Variants in SLIT2 observed in about 807,000 individuals in gnomAD.
The protein encoded by SLIT2 is slit guidance ligand 2, also known as slit homolog 2 protein.
In SLIT2, 41 loss-of-function variants were observed where a neutral mutation model predicts 185.7. That is an observed-to-expected ratio of 0.22 (90% CI 0.17 to 0.29). SLIT2 has a LOEUF of 0.29. SLIT2 is among the 10% of genes least tolerant of loss of function. The pLI, the probability that SLIT2 is intolerant of heterozygous loss-of-function variation, is 1.00. For missense variants in SLIT2, 1,571 were observed against 1,909.0 expected, an observed-to-expected ratio of 0.82 and a Z score of 3.30; for synonymous variants, 693 against 680.2, an observed-to-expected ratio of 1.02 and a Z score of -0.29.
intron 9 of SLIT2, among the ~76,000 whole-genome samples, chr4:20,502,065 A>G (rs1348030297): frequency 6.6e-6 from 1 of 152,190 alleles, no homozygotes; most frequent in Non-Finnish European, 1.5e-5. Context: ...TCACACACAC[A>G]CAAATGTTGT....
intron 4 of SLIT2, among the ~76,000 whole-genome samples, chr4:20,283,390 G>A (rs568002815): frequency 6.6e-6 from 1 of 152,050 alleles, no homozygotes; most frequent in Non-Finnish European, 1.5e-5. Flanking sequence ...GGAGATGATT[G>A]GTGGACTTTG....
In SLIT2 at chr4:20,390,779, A is replaced by AT. The variant is rs71181562; in HGVS notation, c.396-76973_396-76972insT. Reference sequence around the variant, plus strand: ...ATCTTATTTTTTTTTTTTAAAAAAAAATATATATATACTAAGACAATTAGA... The same window carrying AT: ...ATCTTATTTTTTTTTTTTAAAAAAAATATATATATATACTAAGACAATTAGA... On this transcript the variant is annotated intron_variant, in intron 4 of 36. Coordinates refer to ENST00000504154, the MANE Select transcript of SLIT2 (RefSeq NM_004787.4). Among the ~76,000 whole-genome samples, 896 of 142,620 alleles carry AT rather than the reference A, an allele frequency of 6.3e-3. 13 individuals carry two copies. Among genetic ancestry groups the AT allele is most frequent in the African/African-American group, 0.019 (768 of 40,782 alleles). The allele number at this position is 142,620 out of a possible 152,430, so 93.6% of individuals were successfully genotyped here.
At chr4:20,445,421 A>G (rs1489779511) in intron 4 of SLIT2, among the ~76,000 whole-genome samples, 1 of 152,230 alleles carries the variant, frequency 6.6e-6, no homozygotes, top group Admixed American at 6.5e-5. Context: ...ATGCTCATTA[A>G]AGAAGACGTT....
intron 12 of SLIT2, among the ~76,000 whole-genome samples, chr4:20,520,265 C>A (rs1204956705): frequency 6.6e-6 from 1 of 152,028 alleles, no homozygotes; most frequent in Non-Finnish European, 1.5e-5. Context: ...GAAGTATTTA[C>A]CATACATATT....
chr4:20,567,226 A>C (rs760361561), intron 26 of SLIT2, 36 bp from the exon 27 acceptor site: 1 of 1,572,432 alleles, frequency 6.4e-7, no homozygotes, highest in Non-Finnish European at 8.6e-7. Flanking sequence ...AAACTGGAAG[A>C]GCGTCAGTTG....
Position 20,500,283 on chromosome 4 carries a change from C to T in SLIT2, c.914+8384C>T, listed in dbSNP as rs537462611. ...AAGGATAATAAAATGTAATGGAAAT[C>T]GGCATAATTTAGAAAATGTTATAAA... On this transcript the variant is annotated intron_variant, in intron 9 of 36. Transcript: ENST00000504154. Among the ~76,000 whole-genome samples, 28 of 152,174 alleles carry T rather than the reference C, an allele frequency of 1.8e-4. 1 individual carries two copies. The highest frequency in any genetic ancestry group is 3.4e-3 in the Middle Eastern group (1 of 294).
intron 9 of SLIT2, among the ~76,000 whole-genome samples, chr4:20,508,813 C>T (rs1038025573): frequency 6.6e-6 from 1 of 152,002 alleles, no homozygotes; most frequent in African/African-American, 2.4e-5. Flanking sequence ...TCAAATGTTA[C>T]AGTGAGTTCA....
At chr4:20,617,772 AG>A in intron 36 of SLIT2, 122 bp downstream of exon 36, 1 of 670,966 alleles carries the variant, frequency 1.5e-6, no homozygotes, top group Non-Finnish European at 2.5e-6. Context: ...AGACAGAGAG[AG>A]GGGAGTGACA....
At chr4:20,596,193 T>C (rs150038687) in intron 31 of SLIT2, among the ~76,000 whole-genome samples, 1,629 of 152,250 alleles carry the variant, frequency 0.011, 25 homozygotes, top group African/African-American at 0.037. Context: ...TGGGGAGATG[T>C]TGGTCAAAGG....
chr4:20,406,794 C>A (rs528427090), intron 4 of SLIT2, among the ~76,000 whole-genome samples: 4 of 129,820 alleles, frequency 3.1e-5, no homozygotes, highest in African/African-American at 1.0e-4. Flanking sequence ...TATGGTCTAG[C>A]AATGCCACTT....
chr4:20,592,384 C>T lies in SLIT2; in HGVS notation c.3182+2647C>T, dbSNP rs545832826. ...TGTATTTTATATTCTTTGCTTCTTC[C>T]TCTCTCCTTGTCAGATAATAGAGTT... On this transcript the variant is annotated intron_variant, in intron 30 of 36. Transcript: ENST00000504154. Among the ~76,000 whole-genome samples, 12 of 152,216 alleles carry T rather than the reference C, an allele frequency of 7.9e-5. No individual in the cohort carries two copies. In the South Asian group the frequency reaches 2.5e-3, roughly 32 times the overall value.
intron 11 of SLIT2, among the ~76,000 whole-genome samples, chr4:20,518,362 C>G (rs186125581): frequency 0.19 from 25,910 of 138,184 alleles, 2,754 homozygotes; most frequent in African/African-American, 0.29. Context: ...ATGCCATTCT[C>G]CTGCCTCAGC....
intron 4 of SLIT2, among the ~76,000 whole-genome samples, chr4:20,417,436 GTATATATATATA>G (rs367855245): frequency 8.1e-6 from 1 of 123,678 alleles, no homozygotes; most frequent in Non-Finnish European, 1.8e-5. Flanking sequence ...ATGTGTGTGT[GTATATATATATA>G]TATATATATA....
chr4:20,361,592 T>A lies in SLIT2; in HGVS notation c.395+92711T>A, dbSNP rs545448343. Among the ~76,000 whole-genome samples, 15 of 152,216 alleles carry A rather than the reference T, an allele frequency of 9.9e-5. No homozygotes were observed. In the South Asian group the frequency reaches 3.1e-3, roughly 32 times the overall value. ...AAAGTAATGGCAAAACCACAATTACTTTTGTACAAACCTAATATGTTGGCC... is the reference window on the plus strand; with the variant it reads ...AAAGTAATGGCAAAACCACAATTACATTTGTACAAACCTAATATGTTGGCC... On this transcript the variant is annotated intron_variant, in intron 4 of 36. Coordinates refer to ENST00000504154, the MANE Select transcript of SLIT2 (RefSeq NM_004787.4).
intron 29 of SLIT2, among the ~76,000 whole-genome samples, chr4:20,583,278 T>C (rs1375981820): frequency 6.6e-6 from 1 of 152,212 alleles, no homozygotes; most frequent in Non-Finnish European, 1.5e-5. Context: ...CCATTCATAG[T>C]TGGGACTCAA....
In SLIT2 at chr4:20,559,771, C is replaced by T. The variant is rs1239455628; in HGVS notation, c.2725+5803C>T. Among the ~76,000 whole-genome samples, 3 of 151,960 alleles carry T rather than the reference C, an allele frequency of 2.0e-5. No homozygotes were observed. The East Asian group carries it at 5.8e-4, about 29-fold the overall frequency. On this transcript the variant is annotated intron_variant, in intron 26 of 36. Coordinates refer to ENST00000504154, the MANE Select transcript of SLIT2 (RefSeq NM_004787.4). The stretch of plus-strand genomic sequence containing the variant: ...CTGCCGACTGGAGTCAGAATTTGAA[C>T]CTTGACTCTGATTCCAAAGCTTACT...
chr4:20,282,232 A>G lies in SLIT2; in HGVS notation c.395+13351A>G, dbSNP rs377205010. Among the ~76,000 whole-genome samples the G allele has an allele frequency of 2.7e-4, 41 of 152,372 alleles. 1 individual carries two copies. The East Asian group carries it at 3.1e-3, about 11-fold the overall frequency. On this transcript the variant is annotated intron_variant, in intron 4 of 36. Transcript: ENST00000504154. ...GAGAAAAGTGGTCTCTAATTTAAAA[A>G]GAGAAAAGTGGTTTAAAACAACAAC... is the stretch of plus-strand genomic sequence containing the variant.
At chr4:20,364,758 C>T (rs1051224978) in intron 4 of SLIT2, among the ~76,000 whole-genome samples, 1 of 152,002 alleles carries the variant, frequency 6.6e-6, no homozygotes, top group African/African-American at 2.4e-5. Context: ...CAATTCTTAA[C>T]TTTTAAAATA....
intron 4 of SLIT2, among the ~76,000 whole-genome samples, chr4:20,289,909 C>T (rs924205715): frequency 2.0e-5 from 3 of 152,170 alleles, no homozygotes; most frequent in African/African-American, 7.2e-5. Context: ...CCCTGCCTCT[C>T]TACAGCTTCA....
Sources: gnomAD v4.1 joint callset for allele counts (sites outside exome capture counted in the v4.1 genomes callset) on GRCh38, gnomAD v4.1.1 for gene constraint, MANE v1.5 for transcripts, NCBI Gene and HGNC (gene_info 2026-07-23, HGNC 2026-07-21) for gene names.